HTRA3: variants seen among roughly 807,000 people sequenced by gnomAD.
The protein encoded by HTRA3 is serine protease HTRA3.
HTRA3 carries 41 observed loss-of-function variants against 43.2 expected under a neutral mutation model. The observed-to-expected ratio is 0.95, with a 90% CI of 0.74 to 1.23. The LOEUF is 1.23. Ranked by LOEUF, HTRA3 falls within the 50% of genes most tolerant of loss-of-function variation. HTRA3 has a pLI of 0.00. For missense variants in HTRA3, 628 were observed against 647.1 expected (o/e 0.97, Z 0.32); for synonymous variants, 295 against 287.9 (o/e 1.02, Z -0.25).
chr4:8,286,816 C>T lies in HTRA3; in HGVS notation c.708+33C>T. The T allele has an allele frequency of 6.5e-7, 1 of 1,528,888 alleles. No homozygotes were observed. The highest frequency in any genetic ancestry group is 2.3e-5 in the East Asian group (1 of 43,640). The allele number at this position is 1,528,888 out of a possible 1,614,324, so 94.7% of individuals were successfully genotyped here. ...GGCGTGGGTGGAGGGGCGGAAGCAC[C>T]TGGGGCTGGGCATGGTGGCCTCTTC... On this transcript the variant is annotated intron_variant, in intron 3 of 8. Transcript: ENST00000307358. This position sits in a 1 kb window ranked among gnomAD's most constrained non-coding sequence, Gnocchi z 4.9.
At chr4:8,278,967 C>G (rs1227771425) in intron 1 of HTRA3, among the ~76,000 whole-genome samples, 1 of 152,168 alleles carries the variant, frequency 6.6e-6, no homozygotes, top group African/African-American at 2.4e-5. Flanking sequence ...ACTTCTCTCC[C>G]TTCTCTCTAT....
At position 8,296,221 on chromosome 4, in the gene HTRA3, A is replaced by AT; in HGVS notation, c.1051+2021dup. 3 of 985,722 alleles carry AT rather than the reference A, an allele frequency of 3.0e-6. No individual in the cohort carries two copies. The highest frequency in any genetic ancestry group is 2.4e-6 in the Non-Finnish European group (2 of 830,164). 61.1% of individuals were successfully genotyped at this position (985,722 alleles called of 1,614,324 possible). ...GCCTCTCTCTTTCTCCTGAGACAGG[A>AT]TCCCCCTGGGGCCTAGGTTTGCTCC... On this transcript the variant is annotated intron_variant, in intron 6 of 8. Transcript: ENST00000307358. This position sits in a 1 kb window ranked among gnomAD's most constrained non-coding sequence, Gnocchi z 5.3.
At chr4:8,281,610 G>A (rs1415514504) in intron 1 of HTRA3, among the ~76,000 whole-genome samples, 2 of 152,230 alleles carry the variant, frequency 1.3e-5, no homozygotes, top group Non-Finnish European at 2.9e-5. Context: ...CGGGAGCCAC[G>A]AGCGAGGCTG....
chr4:8,304,150 CAG>C lies in HTRA3; in HGVS notation c.1101-33_1101-32del, dbSNP rs765178955. 7.0e-6 allele frequency: 11 copies of C among 1,578,512 alleles called. No homozygotes were observed. The African/African-American group carries it at 8.1e-5, about 12-fold the overall frequency. On this transcript the variant is annotated intron_variant, in intron 7 of 8. Coordinates refer to ENST00000307358, the MANE Select transcript of HTRA3 (RefSeq NM_053044.5). ...CATACCAAAGAGCTGGGCAAAGGCTCAGGGGAGGGGCCTTGACGGCAGACTCT... is the reference window on the plus strand; with the variant it reads ...CATACCAAAGAGCTGGGCAAAGGCTCGGGAGGGGCCTTGACGGCAGACTCT...
chr4:8,292,416 C>T lies in HTRA3; in HGVS notation c.936+63C>T, dbSNP rs368909714. Reference sequence around the variant, plus strand: ...GGGGTTCTTCTCACATGGGGGTGCTCAGCCTTGAGGTGGGACAGGGCCCAC... The same window carrying T: ...GGGGTTCTTCTCACATGGGGGTGCTTAGCCTTGAGGTGGGACAGGGCCCAC... On this transcript the variant is annotated intron_variant, in intron 5 of 8. Transcript: ENST00000307358. 2.3e-5 allele frequency: 32 copies of T among 1,410,278 alleles called. No individual in the cohort carries two copies. In the African/African-American group the frequency reaches 4.4e-4, roughly 19 times the overall value. 87.4% of individuals were successfully genotyped at this position (1,410,278 alleles called of 1,614,324 possible).
intron 5 of HTRA3, among the ~76,000 whole-genome samples, chr4:8,293,645 TG>T (rs898883271): frequency 3.3e-5 from 5 of 151,764 alleles, no homozygotes; most frequent in Admixed American, 1.3e-4. Context: ...AAGAGAGGGA[TG>T]GGGGGGTCAA....
At chr4:8,285,144 C>A (rs1414474579) in intron 2 of HTRA3, among the ~76,000 whole-genome samples, 2 of 152,160 alleles carry the variant, frequency 1.3e-5, no homozygotes, top group African/African-American at 4.8e-5. Context: ...GGACTTCCCT[C>A]CCTTAAAGAC....
At position 8,270,032 on chromosome 4, in the gene HTRA3, G is replaced by A; in HGVS notation, c.64G>A (p.Ala22Thr). The A allele has an allele frequency of 7.3e-7, 1 of 1,371,882 alleles. No homozygotes were observed. Among genetic ancestry groups the A allele is most frequent in the Non-Finnish European group, 9.4e-7 (1 of 1,067,598 alleles). The allele number at this position is 1,371,882 out of a possible 1,614,324, so 85.0% of individuals were successfully genotyped here. Residue 22 changes from alanine (A) to threonine (T), a missense_variant, in exon 1 of 9, where the codon GCG (alanine) becomes ACG (threonine). By Grantham distance (58) the Ala-to-Thr change is moderately conservative (BLOSUM62 0). Coordinates refer to ENST00000307358, the MANE Select transcript of HTRA3 (RefSeq NM_053044.5). Reference sequence around the variant, plus strand: ...GCTGGCGCTGGCCCGGGAGCCCCCTGCGGCGCCGTGTCCCGCGCGCTGCGA... The same window carrying A: ...GCTGGCGCTGGCCCGGGAGCCCCCTACGGCGCCGTGTCCCGCGCGCTGCGA... ...AALALAREPP[A>T]APCPARCDVS...
At chr4:8,278,130 A>G (rs1455518613) in intron 1 of HTRA3, among the ~76,000 whole-genome samples, 2 of 152,234 alleles carry the variant, frequency 1.3e-5, no homozygotes, top group African/African-American at 2.4e-5. Context: ...CATCTGTTCC[A>G]TGGCAGTTAT....
intron 6 of HTRA3, among the ~76,000 whole-genome samples, chr4:8,299,094 T>C (rs1191589919): frequency 3.9e-5 from 6 of 152,254 alleles, no homozygotes; most frequent in African/African-American, 2.4e-5. Context: ...ATTTTAACAA[T>C]GGTAACTCTT....
chr4:8,293,663 C>T (rs935696831), intron 5 of HTRA3, among the ~76,000 whole-genome samples: 51 of 152,140 alleles, frequency 3.4e-4, no homozygotes, highest in African/African-American at 1.2e-3. Flanking sequence ...TCAAGGAGCT[C>T]CCCTGGTCCC....
Position 8,296,683 on chromosome 4 carries a change from GTGGTGTGGGGTGTTTGATTCA to G in HTRA3, c.1051+2486_1051+2506del, listed in dbSNP as rs1028461323. On this transcript the variant is annotated intron_variant, in intron 6 of 8. Transcript: ENST00000307358. The surrounding 1 kb of genome is among the most constrained non-coding windows in gnomAD (Gnocchi z 5.3). Reference sequence around the variant, plus strand: ...GGACCAGAGAGTAGCCCCACATGGGGTGGTGTGGGGTGTTTGATTCATGGAGTGGGGCCGTTTGTGGGCATC... The same window carrying G: ...GGACCAGAGAGTAGCCCCACATGGGGTGGAGTGGGGCCGTTTGTGGGCATC... Among the ~76,000 whole-genome samples the G allele has an allele frequency of 1.1e-4, 16 of 152,200 alleles. No homozygotes were observed. Among genetic ancestry groups the G allele is most frequent in the African/African-American group, 3.9e-4 (16 of 41,462 alleles).
chr4:8,306,098 G>T lies in HTRA3; in HGVS notation c.1324G>T (p.Asp442Tyr). The T allele has an allele frequency of 6.2e-7, 1 of 1,606,294 alleles. No individual in the cohort carries two copies. ...LLLEVRRGND[D>Y]LLFSIAPEVV... ...ACTGGAGGTGCGGCGGGGGAACGACGACCTCCTCTTCAGCATCGCACCTGA... is the reference window on the plus strand; with the variant it reads ...ACTGGAGGTGCGGCGGGGGAACGACTACCTCCTCTTCAGCATCGCACCTGA... The change falls in exon 9 of 9, where the codon GAC becomes TAC. Residue 442 changes from aspartate (D) to tyrosine (Y), a missense_variant. Coordinates refer to ENST00000307358, the MANE Select transcript of HTRA3 (RefSeq NM_053044.5). The surrounding 1 kb of genome is among the most constrained non-coding windows in gnomAD (Gnocchi z 8.9).
At chr4:8,294,857 C>T (rs1311545859) in intron 6 of HTRA3, among the ~76,000 whole-genome samples, 1 of 142,476 alleles carries the variant, frequency 7.0e-6, no homozygotes, top group South Asian at 2.4e-4. Context: ...TATCCATCAT[C>T]CATCCATCCT....
rs375393668 is a variant in HTRA3, at chr4:8,286,660, C to T, written c.585C>T (p.Ser195=). Residue 195 remains serine, a synonymous_variant, in exon 3 of 9, where the codon AGC becomes AGT. Transcript: ENST00000307358. The surrounding 1 kb of genome is among the most constrained non-coding windows in gnomAD (Gnocchi z 4.9). ...TCACCAATGCCCACGTGGTGTCCAG[C>T]AACAGTGCTGCCCCGGGCAGGCAGC... ...LIITNAHVVS[S]NSAAPGRQQL... is the part of the protein sequence containing the mutation. 99 of 1,614,084 alleles carry T rather than the reference C, an allele frequency of 6.1e-5. No homozygotes were observed. The highest frequency in any genetic ancestry group is 7.6e-5 in the Non-Finnish European group (90 of 1,180,050).
intron 6 of HTRA3, 56 bp downstream of exon 6, chr4:8,294,257 G>T: frequency 7.7e-7 from 1 of 1,295,634 alleles, no homozygotes; most frequent in Non-Finnish European, 1.1e-6. Context: ...CAGGGCTACA[G>T]CCCCTTAACA....
intron 5 of HTRA3, 147 bp from the exon 6 acceptor site, chr4:8,293,940 G>A: frequency 5.0e-6 from 3 of 598,140 alleles, no homozygotes; most frequent in South Asian, 2.0e-5. Flanking sequence ...GTGATCCTGA[G>A]AGTGAGCTTT....
At chr4:8,302,267 T>C (rs998783252) in intron 6 of HTRA3, among the ~76,000 whole-genome samples, 196 bp from the exon 7 acceptor site, 3 of 152,126 alleles carry the variant, frequency 2.0e-5, no homozygotes, top group African/African-American at 7.2e-5. Flanking sequence ...AGAGCTAGAA[T>C]ACCCCTCAGC....
intron 7 of HTRA3, among the ~76,000 whole-genome samples, chr4:8,303,038 G>A (rs1713720016): frequency 6.6e-6 from 1 of 152,174 alleles, no homozygotes; most frequent in Non-Finnish European, 1.5e-5. Flanking sequence ...TGGAGTTAGG[G>A]CCCACTCTAA....
Sources: gnomAD v4.1 joint callset for allele counts (sites outside exome capture counted in the v4.1 genomes callset) on GRCh38, gnomAD v4.1.1 for gene constraint, Gnocchi (gnomAD v3.1) non-coding constraint, MANE v1.5 for transcripts, NCBI Gene and HGNC (gene_info 2026-07-23, HGNC 2026-07-21) for gene names.